The following HSD17B4 variants were observed in gnomAD, a reference collection of about 807,000 sequenced individuals.
HSD17B4 encodes hydroxysteroid 17-beta dehydrogenase 4, also known as peroxisomal multifunctional enzyme type 2.
Under a neutral mutation model 101.0 loss-of-function variants are expected in HSD17B4, and 70 were observed. The observed-to-expected ratio is 0.69, with a 90% CI of 0.57 to 0.85. The LOEUF (loss-of-function observed/expected upper bound fraction) is 0.85. HSD17B4 is among the 40% of genes least tolerant of loss of function. The probability of loss-of-function intolerance (pLI) is 0.00; values close to 1 mark genes in which losing one functional copy is unlikely to be tolerated. For synonymous variants in HSD17B4, 347 were observed against 297.1 expected, an observed-to-expected ratio of 1.17 and a Z score of -1.73; for missense variants, 984 against 892.4, an observed-to-expected ratio of 1.10 and a Z score of -1.31.
chr5:119,507,645 A>G (rs1387974657), intron 15 of HSD17B4, among the ~76,000 whole-genome samples: 1 of 151,696 alleles, frequency 6.6e-6, no homozygotes, highest in Non-Finnish European at 1.5e-5. Flanking sequence ...AAAGCCGGGC[A>G]TGGTGGCGGG....
chr5:119,457,957 T>G (rs1262762805), intron 2 of HSD17B4, among the ~76,000 whole-genome samples: 5 of 152,220 alleles, frequency 3.3e-5, no homozygotes, highest in Non-Finnish European at 7.3e-5. Context: ...TGTAAAAAAT[T>G]TTATAACAGT....
Position 119,493,936 on chromosome 5 carries a change from G to C in HSD17B4, c.858G>C (p.Gln286His). The change falls in exon 11 of 24, where the codon CAG (glutamine) becomes CAC (histidine). Residue 286 changes from glutamine to histidine, a missense_variant. By Grantham distance (24) the Gln-to-His change is conservative (BLOSUM62 0). Transcript: ENST00000510025. ...ICDFENASKP[Q>H]SIQESTGSII... ...ACTTTGAGAATGCCAGCAAGCCTCA[G>C]AGTATCCAAGGTAAAGAGAGTCCCC... 1.9e-6 allele frequency: 3 copies of C among 1,613,188 alleles called. No homozygotes were observed. Among genetic ancestry groups the C allele is most frequent in the Non-Finnish European group, 2.5e-6 (3 of 1,179,380 alleles).
chr5:119,455,558 CTCTCTCTCTCTA>C (rs1238155642), intron 1 of HSD17B4, among the ~76,000 whole-genome samples: 2 of 131,298 alleles, frequency 1.5e-5, no homozygotes, highest in South Asian at 4.6e-4. Context: ...CTCTCTCTCT[CTCTCTCTCTCTA>C]TATATATATA....
chr5:119,461,817 T>A (rs1380696161), intron 2 of HSD17B4, among the ~76,000 whole-genome samples: 1 of 152,088 alleles, frequency 6.6e-6, no homozygotes, highest in East Asian at 1.9e-4. Context: ...CCTGGGAGTT[T>A]GAGACTTCAA....
chr5:119,536,083 A>G, intron 22 of HSD17B4: 1 of 278,366 alleles, frequency 3.6e-6, no homozygotes, highest in Non-Finnish European at 6.9e-6. Flanking sequence ...ACTAAGAGAA[A>G]ATGAATACAA....
At chr5:119,527,437 C>T (rs1332119441) in intron 20 of HSD17B4, among the ~76,000 whole-genome samples, 1 of 151,986 alleles carries the variant, frequency 6.6e-6, no homozygotes, top group African/African-American at 2.4e-5. Flanking sequence ...TTTATTTTCT[C>T]TTTTATTTTC....
chr5:119,457,669 C>CT (rs11390174), intron 2 of HSD17B4, among the ~76,000 whole-genome samples: 79,318 of 151,966 alleles, frequency 0.52, 21,233 homozygotes, highest in East Asian at 0.92. Context: ...AATTTTCCTT[C>CT]CTTTTTATGT....
chr5:119,536,040 A>C (rs1361688050), intron 22 of HSD17B4: 1 of 254,690 alleles, frequency 3.9e-6, no homozygotes, highest in East Asian at 1.1e-4. Flanking sequence ...AGAGCTAAAA[A>C]TCAACAGTAA....
intron 14 of HSD17B4, among the ~76,000 whole-genome samples, chr5:119,502,372 A>G (rs543199996): frequency 6.6e-6 from 1 of 152,280 alleles, no homozygotes. Flanking sequence ...TATGTGCTCT[A>G]GACTTAGTGA....
chr5:119,496,194 C>G, intron 11 of HSD17B4, among the ~76,000 whole-genome samples: 3 of 152,214 alleles, frequency 2.0e-5, no homozygotes, highest in Middle Eastern at 3.4e-3. Flanking sequence ...AGTGATCTCT[C>G]CATCAGACAA....
chr5:119,463,625 T>G (rs1390389096), intron 2 of HSD17B4, among the ~76,000 whole-genome samples: 1 of 150,796 alleles, frequency 6.6e-6, no homozygotes, highest in African/African-American at 2.4e-5. Context: ...GTTGAACATT[T>G]TTTCATATAC....
intron 2 of HSD17B4, among the ~76,000 whole-genome samples, chr5:119,470,183 C>A (rs183235876): frequency 4.3e-4 from 65 of 151,868 alleles, no homozygotes; most frequent in Admixed American, 3.4e-3. Flanking sequence ...CCCCATTGTA[C>A]TTGAATGTCT....
At chr5:119,482,236 A>G (rs1749206747) in intron 8 of HSD17B4, among the ~76,000 whole-genome samples, 1 of 151,986 alleles carries the variant, frequency 6.6e-6, no homozygotes, top group Admixed American at 6.6e-5. Flanking sequence ...TTGTATTGAC[A>G]TATCTTCAAG....
chr5:119,519,971 G>T (rs943640121), intron 17 of HSD17B4, among the ~76,000 whole-genome samples: 3 of 152,170 alleles, frequency 2.0e-5, no homozygotes, highest in African/African-American at 7.2e-5. Context: ...CGCAGCTCCA[G>T]AAAAGACTCC....
At chr5:119,453,669 G>C (rs892863664) in intron 1 of HSD17B4, among the ~76,000 whole-genome samples, 1 of 152,184 alleles carries the variant, frequency 6.6e-6, no homozygotes, top group African/African-American at 2.4e-5. Context: ...TTTCATATCT[G>C]TATTGATAAA....
intron 2 of HSD17B4, among the ~76,000 whole-genome samples, chr5:119,460,931 C>T (rs186703089): frequency 6.9e-4 from 105 of 152,264 alleles, no homozygotes; most frequent in African/African-American, 2.5e-3. Flanking sequence ...AGCCAGGTTA[C>T]TGAGGCTGCA....
chr5:119,462,704 A>C lies in HSD17B4; in HGVS notation c.112+6336A>C, dbSNP rs1305584428. Reference sequence around the variant, plus strand: ...ATATCTAAGCTTTTCAGCATGTACCAATGATTTTCTTTTCTTATTATTTTT... The same window carrying C: ...ATATCTAAGCTTTTCAGCATGTACCCATGATTTTCTTTTCTTATTATTTTT... On this transcript the variant is annotated intron_variant, in intron 2 of 23. Coordinates refer to ENST00000510025, the MANE Select transcript of HSD17B4 (RefSeq NM_000414.4). Among the ~76,000 whole-genome samples the C allele has an allele frequency of 2.0e-5, 3 of 152,136 alleles. No individual in the cohort carries two copies. In the East Asian group the frequency reaches 5.8e-4, roughly 29 times the overall value.
chr5:119,538,302 C>A (rs1580727601), intron 23 of HSD17B4, among the ~76,000 whole-genome samples: 1 of 152,230 alleles, frequency 6.6e-6, no homozygotes, highest in East Asian at 1.9e-4. Flanking sequence ...CAAAATATAT[C>A]TTGAATTCAT....
intron 2 of HSD17B4, among the ~76,000 whole-genome samples, chr5:119,465,018 A>AT (rs545653476): frequency 0.014 from 2,049 of 141,418 alleles, 17 homozygotes; most frequent in African/African-American, 0.025. Flanking sequence ...GAATTTTAGG[A>AT]TTTTTTTTTT....
Sources: gnomAD v4.1 joint callset for allele counts (sites outside exome capture counted in the v4.1 genomes callset) on GRCh38, gnomAD v4.1.1 for gene constraint, MANE v1.5 for transcripts, NCBI Gene and HGNC (gene_info 2026-07-23, HGNC 2026-07-21) for gene names.